NEK10: variants seen among roughly 807,000 people sequenced by gnomAD.
NEK10 encodes the protein serine/threonine-protein kinase Nek10.
A neutral mutation model predicts 159.8 loss-of-function variants in NEK10; 122 were observed. The observed-to-expected ratio is 0.76, with a 90% CI of 0.66 to 0.89. NEK10 has a LOEUF of 0.89. NEK10 is among the 40% of genes least tolerant of loss of function. The pLI is 0.00. For missense variants in NEK10, 1,342 were observed against 1,323.1 expected, an observed-to-expected ratio of 1.01 and a Z score of -0.22; for synonymous variants, 466 against 457.1, an observed-to-expected ratio of 1.02 and a Z score of -0.25.
intron 23 of NEK10, among the ~76,000 whole-genome samples, chr3:27,234,152 AC>A (rs1345875446): frequency 6.6e-6 from 1 of 152,114 alleles, no homozygotes; most frequent in Admixed American, 6.6e-5. Flanking sequence ...TGACAAACCC[AC>A]TTCCAATATT....
At position 27,284,456 on chromosome 3, in the gene NEK10, A is replaced by G; in HGVS notation, c.2014+146T>C. Reference sequence around the variant, plus strand: ...ACACTAATCACATTTCAAGTGCTCAATAGCCACATGTGGCTAGTGGCTACT... The same window carrying G: ...ACACTAATCACATTTCAAGTGCTCAGTAGCCACATGTGGCTAGTGGCTACT... On this transcript the variant is annotated intron_variant, in intron 22 of 35. Coordinates refer to ENST00000691995, the MANE Select transcript of NEK10 (RefSeq NM_001394966.1). 3 of 570,758 alleles carry G rather than the reference A, an allele frequency of 5.3e-6. No individual in the cohort carries two copies. The South Asian group carries it at 7.4e-5, about 14-fold the overall frequency. The allele number at this position is 570,758 out of a possible 1,614,324, so 35.4% of individuals were successfully genotyped here.
intron 23 of NEK10, among the ~76,000 whole-genome samples, chr3:27,249,541 T>C (rs1955437714): frequency 6.6e-6 from 1 of 152,184 alleles, no homozygotes. Flanking sequence ...GTATAGCTAC[T>C]TCTGCTCTTT....
At chr3:27,345,334 G>C (rs2047478307) in intron 4 of NEK10, among the ~76,000 whole-genome samples, 1 of 152,084 alleles carries the variant, frequency 6.6e-6, no homozygotes, top group African/African-American at 2.4e-5. Flanking sequence ...GTATTTAAGT[G>C]TTCCTCACTA....
chr3:27,351,981 TA>T (rs932086712), intron 3 of NEK10, among the ~76,000 whole-genome samples: 2 of 151,884 alleles, frequency 1.3e-5, no homozygotes, highest in African/African-American at 4.8e-5. Flanking sequence ...AATGCTACTA[TA>T]AAAATAGCCA....
intron 30 of NEK10, among the ~76,000 whole-genome samples, chr3:27,146,292 T>C (rs1944290785): frequency 6.6e-6 from 1 of 152,194 alleles, no homozygotes; most frequent in African/African-American, 2.4e-5. Flanking sequence ...ATATACACTT[T>C]GAAGCTGTTA....
Position 27,297,188 on chromosome 3 carries a change from C to CTGG in NEK10, c.1218_1220dup (p.His406dup). On this transcript the variant is annotated inframe_insertion, in exon 14 of 36. Coordinates refer to ENST00000691995, the MANE Select transcript of NEK10 (RefSeq NM_001394966.1). ...GAAGGAGTGCTCTCACCTGAACCAC[C>CTGG]TGGTGGGCATTGGTGTCATTGAGCA... is the stretch of plus-strand genomic sequence containing the variant. The CTGG allele has an allele frequency of 6.2e-7, 1 of 1,612,448 alleles. No individual in the cohort carries two copies.
chr3:27,271,790 A>G (rs1032324693), intron 22 of NEK10, among the ~76,000 whole-genome samples: 1 of 152,194 alleles, frequency 6.6e-6, no homozygotes. Context: ...TCATAAAAGC[A>G]TTCATGTGCC....
intron 5 of NEK10, among the ~76,000 whole-genome samples, chr3:27,326,622 A>G (rs934611326): frequency 4.6e-5 from 7 of 152,380 alleles, no homozygotes; most frequent in South Asian, 2.1e-4. Context: ...AGAAGTGTAT[A>G]TAAATGAAGA....
chr3:27,230,322 A>G (rs1005562111), intron 23 of NEK10, among the ~76,000 whole-genome samples: 4 of 152,130 alleles, frequency 2.6e-5, no homozygotes, highest in African/African-American at 9.6e-5. Flanking sequence ...ACAAATGCTG[A>G]GGGAATTTGC....
chr3:27,295,070 C>A (rs1575623429), intron 15 of NEK10, among the ~76,000 whole-genome samples: 1 of 152,142 alleles, frequency 6.6e-6, no homozygotes, highest in Non-Finnish European at 1.5e-5. Context: ...ACATGTGAGG[C>A]CTCATCTGCT....
chr3:27,263,439 C>A (rs1575503821), intron 22 of NEK10, among the ~76,000 whole-genome samples: 1 of 152,188 alleles, frequency 6.6e-6, no homozygotes, highest in African/African-American at 2.4e-5. Flanking sequence ...GGCAGGCAGG[C>A]CTCCTTGAGC....
intron 23 of NEK10, among the ~76,000 whole-genome samples, chr3:27,228,975 G>C (rs1417353049): frequency 6.6e-6 from 1 of 152,072 alleles, no homozygotes; most frequent in Non-Finnish European, 1.5e-5. Context: ...TTAGCACTGG[G>C]TATTACATCT....
chr3:27,251,248 C>T (rs1028286861), intron 23 of NEK10, among the ~76,000 whole-genome samples: 1 of 152,150 alleles, frequency 6.6e-6, no homozygotes, highest in African/African-American at 2.4e-5. Flanking sequence ...CTTGATAATG[C>T]CCTGTCTCTG....
chr3:27,263,654 A>G (rs1006493616), intron 22 of NEK10, among the ~76,000 whole-genome samples: 1 of 152,216 alleles, frequency 6.6e-6, no homozygotes, highest in Non-Finnish European at 1.5e-5. Flanking sequence ...GCGTTTGCTA[A>G]GACCGTTGGA....
chr3:27,234,839 G>T (rs1953724606), intron 23 of NEK10, among the ~76,000 whole-genome samples: 1 of 152,038 alleles, frequency 6.6e-6, no homozygotes, highest in Non-Finnish European at 1.5e-5. Context: ...AAAGCTGCAG[G>T]TATCATGTTA....
At chr3:27,258,123 A>G (rs11129276) in intron 22 of NEK10, among the ~76,000 whole-genome samples, 39,025 of 152,008 alleles carry the variant, frequency 0.26, 5,170 homozygotes, top group Middle Eastern at 0.37. Flanking sequence ...CTATAAAATA[A>G]GGATTATAAT....
intron 9 of NEK10, chr3:27,309,232 T>C (rs2044489907): frequency 3.7e-6 from 1 of 268,808 alleles, no homozygotes; most frequent in Non-Finnish European, 7.0e-6. Flanking sequence ...CTCTCTCTTA[T>C]GTTTTTTTCT....
chr3:27,144,968 C>A (rs1364760470), intron 30 of NEK10, among the ~76,000 whole-genome samples: 1 of 152,110 alleles, frequency 6.6e-6, no homozygotes, highest in Non-Finnish European at 1.5e-5. Flanking sequence ...GTGATCCACC[C>A]ACCTCGACCT....
chr3:27,167,612 T>A (rs77992943), intron 29 of NEK10, among the ~76,000 whole-genome samples: 2,973 of 152,290 alleles, frequency 0.02, 60 homozygotes, highest in African/African-American at 0.049. Context: ...GGTCAGCCTA[T>A]GAAACTCGCA....
Sources: gnomAD v4.1 joint callset for allele counts (sites outside exome capture counted in the v4.1 genomes callset) on GRCh38, gnomAD v4.1.1 for gene constraint, MANE v1.5 for transcripts, NCBI Gene and HGNC (gene_info 2026-07-23, HGNC 2026-07-21) for gene names.